Variants in GPN1 observed in about 807,000 individuals in gnomAD.
GPN1 encodes GPN-loop GTPase 1.
In GPN1, 44 loss-of-function variants were observed where a neutral mutation model predicts 55.9. That is an observed-to-expected ratio of 0.79 (90% CI 0.62 to 1.01). The LOEUF is 1.01. Ranked by LOEUF, GPN1 falls within the 50% of genes least tolerant of loss-of-function variation. The probability of loss-of-function intolerance (pLI) is 0.00; values close to 1 mark genes in which losing one functional copy is unlikely to be tolerated. For synonymous variants in GPN1, 179 were observed against 162.5 expected, an observed-to-expected ratio of 1.10 and a Z score of -0.77; for missense variants, 466 against 462.8, an observed-to-expected ratio of 1.01 and a Z score of -0.06.
intron 11 of GPN1, among the ~76,000 whole-genome samples, chr2:27,641,682 C>T (rs1673958317): frequency 6.6e-6 from 1 of 152,182 alleles, no homozygotes; most frequent in African/African-American, 2.4e-5. Context: ...CAGCCTCGAC[C>T]TTTTGGGCTT....
rs1558486113 is a variant in GPN1, at chr2:27,632,641, A to G, written c.321A>G (p.Lys107=). ...LFATRFDQVM[K]FIEKAQNMSK... ...ACATCTTTTTCTTTTAGGTGATGAA[A>G]TTTATTGAGAAGGCCCAGAACATGT... The change falls in exon 5 of 14, where the codon AAA becomes AAG. Residue 107 remains lysine (K), a synonymous_variant. Transcript: ENST00000610189. 1.2e-6 allele frequency: 2 copies of G among 1,601,458 alleles called. No individual in the cohort carries two copies. The highest frequency in any genetic ancestry group is 1.7e-6 in the Non-Finnish European group (2 of 1,168,708).
chr2:27,642,359 C>A, intron 11 of GPN1, 70 bp from the exon 12 acceptor site: 1 of 885,832 alleles, frequency 1.1e-6, no homozygotes, highest in Non-Finnish European at 1.9e-6. Context: ...TCTTCATCTC[C>A]ACTGAGAAGT....
intron 7 of GPN1, 67 bp from the exon 8 acceptor site, chr2:27,638,143 A>G: frequency 2.4e-6 from 2 of 843,152 alleles, no homozygotes; most frequent in Admixed American, 1.8e-5. Flanking sequence ...TAGTCCCGAC[A>G]TGCTGACACT....
Position 27,640,070 on chromosome 2 carries a change from A to G in GPN1, c.745A>G (p.Thr249Ala). 6.2e-7 allele frequency: 1 copy of G among 1,612,784 alleles called. No homozygotes were observed. Among genetic ancestry groups the G allele is most frequent in the Non-Finnish European group, 8.5e-7 (1 of 1,178,750 alleles). ...RVVGVSAVLG[T>A]GLDELFVQVT... ...GGTGGGTGTCTCTGCTGTTCTGGGT[A>G]CTGGATTAGATGAACTCTTTGTGCA... Residue 249 changes from threonine to alanine, a missense_variant, in exon 10 of 14, where the codon ACT (threonine) becomes GCT (alanine). By Grantham distance (58) the Thr-to-Ala change is moderately conservative (BLOSUM62 0). Transcript: ENST00000610189.
chr2:27,642,610 C>T, intron 12 of GPN1, 91 bp downstream of exon 12: 1 of 810,606 alleles, frequency 1.2e-6, no homozygotes. Flanking sequence ...GAGTTTCACT[C>T]TTGTTGCCCA....
rs1276418701 is a variant in GPN1, at chr2:27,634,932, T to G, written c.429+8T>G. On this transcript the variant is annotated splice_region_variant and intron_variant, in intron 6 of 13. Transcript: ENST00000610189. ...ATTATCACTGAAGCCCTTGTGAGTA[T>G]TCTAGGACTTGCTACTGAGAGTAGC... is the stretch of plus-strand genomic sequence containing the variant. The G allele has an allele frequency of 9.2e-6, 14 of 1,524,762 alleles. No individual in the cohort carries two copies. The highest frequency in any genetic ancestry group is 1.7e-5 in the Admixed American group (1 of 59,878). The allele number at this position is 1,524,762 out of a possible 1,614,324, so 94.5% of individuals were successfully genotyped here.
Position 27,638,965 on chromosome 2 carries a change from T to C in GPN1, c.651T>C (p.Thr217=). Reference sequence around the variant, plus strand: ...TCCAAGATGCCTTGAATCAAGAGACTACATACGTCAGTAACCTGACTCGTT... The same window carrying C: ...TCCAAGATGCCTTGAATCAAGAGACCACATACGTCAGTAACCTGACTCGTT... ...EAFQDALNQE[T]TYVSNLTRSM... The change falls in exon 9 of 14, where the codon ACT becomes ACC. Residue 217 remains threonine (T), a synonymous_variant. Coordinates refer to ENST00000610189, the MANE Select transcript of GPN1 (RefSeq NM_007266.4). 2 of 1,613,312 alleles carry C rather than the reference T, an allele frequency of 1.2e-6. No individual in the cohort carries two copies. The highest frequency in any genetic ancestry group is 1.3e-5 in the African/African-American group (1 of 75,038).
Position 27,643,279 on chromosome 2 carries a change from T to G in GPN1, c.931+760T>G, listed in dbSNP as rs1266917546. Reference sequence around the variant, plus strand: ...ATACAAATAATTGCCATAATTATTCTATCAGATTCCCAAAATGTTAACATT... The same window carrying G: ...ATACAAATAATTGCCATAATTATTCGATCAGATTCCCAAAATGTTAACATT... On this transcript the variant is annotated intron_variant, in intron 12 of 13. Coordinates refer to ENST00000610189, the MANE Select transcript of GPN1 (RefSeq NM_007266.4). The surrounding 1 kb of genome is among the most constrained non-coding windows in gnomAD (Gnocchi z 4.0). Among the ~76,000 whole-genome samples the G allele has an allele frequency of 6.6e-6, 1 of 151,768 alleles. No homozygotes were observed. Among genetic ancestry groups the G allele is most frequent in the Admixed American group, 6.6e-5 (1 of 15,260 alleles).
intron 12 of GPN1, among the ~76,000 whole-genome samples, chr2:27,647,259 TTCTC>T (rs559830831): frequency 1.2e-3 from 188 of 152,340 alleles, no homozygotes; most frequent in African/African-American, 4.3e-3. Flanking sequence ...TTGATTAGAC[TTCTC>T]TCTGATTACT....
chr2:27,637,644 T>C (rs1275688806), intron 7 of GPN1, among the ~76,000 whole-genome samples: 2 of 152,236 alleles, frequency 1.3e-5, no homozygotes, highest in Non-Finnish European at 2.9e-5. Flanking sequence ...ATAAAGGAGA[T>C]AATACTTATG....
rs1169068979 is a variant in GPN1 at position 27,629,084 on chromosome 2, A to C, written c.26A>C (p.Glu9Ala). 6.2e-7 allele frequency: 1 copy of C among 1,614,078 alleles called. No homozygotes were observed. The highest frequency in any genetic ancestry group is 8.5e-7 in the Non-Finnish European group (1 of 1,180,024). MAASAAAA[E>A]LQASGGPRHP... is the part of the protein sequence containing the mutation. Reference sequence around the variant, plus strand: ...ATGGCGGCGTCCGCAGCTGCCGCTGAGCTCCAGGCTTCTGGGGGTCCGCGG... The same window carrying C: ...ATGGCGGCGTCCGCAGCTGCCGCTGCGCTCCAGGCTTCTGGGGGTCCGCGG... The change falls in exon 1 of 14, where the codon GAG becomes GCG. Residue 9 changes from glutamate to alanine, a missense_variant. Coordinates refer to ENST00000610189, the MANE Select transcript of GPN1 (RefSeq NM_007266.4).
chr2:27,629,447 G>A, intron 1 of GPN1: 1 of 1,529,482 alleles, frequency 6.5e-7, no homozygotes, highest in Non-Finnish European at 8.9e-7. Flanking sequence ...TCGGAGGCAA[G>A]TTACAAGTAA....
rs898490116 is a variant in GPN1 at position 27,651,368 on chromosome 2, C to T, written c.*1168C>T. 9.2e-5 allele frequency: 14 copies of T among 152,308 alleles called. No individual in the cohort carries two copies. Among genetic ancestry groups the T allele is most frequent in the African/African-American group, 3.4e-4 (14 of 41,454 alleles). The allele number at this position is 152,308 out of a possible 1,614,324, so 9.4% of individuals were successfully genotyped here. A position where few individuals can be genotyped will look rare whatever the true frequency, so the allele number is the denominator to read the frequency against. ...CCATGTGATTCTGATGCATAGTAGC[C>T]TATGACATAATTCCAGACCAGGTGA... On this transcript the variant is annotated 3_prime_UTR_variant, in exon 14 of 14. Transcript: ENST00000610189.
chr2:27,629,652 A>T (rs547037090), intron 1 of GPN1, among the ~76,000 whole-genome samples: 1 of 152,322 alleles, frequency 6.6e-6, no homozygotes, highest in East Asian at 1.9e-4. Flanking sequence ...TAAACAAGTG[A>T]CTACGAGTAG....
At chr2:27,629,466 A>T in intron 1 of GPN1, 1 of 1,395,528 alleles carries the variant, frequency 7.2e-7, no homozygotes, top group Non-Finnish European at 1.0e-6. Flanking sequence ...AACTTTAAAG[A>T]TTAATACAGT....
chr2:27,633,167 TATTTATAAGATGAA>T (rs1673613037), intron 5 of GPN1, among the ~76,000 whole-genome samples: 1 of 152,230 alleles, frequency 6.6e-6, no homozygotes, highest in African/African-American at 2.4e-5. Flanking sequence ...CCATGCATGA[TATTTATAAGATGAA>T]ACCATCACCC....
chr2:27,639,092 T>C (rs985638734), intron 9 of GPN1, 61 bp downstream of exon 9: 3 of 1,369,330 alleles, frequency 2.2e-6, no homozygotes, highest in South Asian at 1.4e-5. Context: ...ACCCATAGGA[T>C]TGGCTTTGAA....
chr2:27,642,248 T>C (rs1204382284), intron 11 of GPN1, 181 bp from the exon 12 acceptor site: 2 of 561,506 alleles, frequency 3.6e-6, no homozygotes, highest in Non-Finnish European at 6.5e-6. Context: ...CAGTCTAAAC[T>C]TCTGCAGTAA....
chr2:27,631,026 G>A lies in GPN1; in HGVS notation c.206-1G>A. The A allele has an allele frequency of 7.6e-7, 1 of 1,318,734 alleles. No homozygotes were observed. The highest frequency in any genetic ancestry group is 1.1e-6 in the Non-Finnish European group (1 of 914,122). 81.7% of individuals were successfully genotyped at this position (1,318,734 alleles called of 1,614,324 possible). On this transcript the variant is annotated splice_acceptor_variant, in intron 2 of 13. Coordinates refer to ENST00000610189, the MANE Select transcript of GPN1 (RefSeq NM_007266.4). LOFTEE classifies it high-confidence loss of function. ...CAGTTAATTCTTTTTTTTCTCCTCA[G>A]ATATTCGTGATACTGTAAAGTATAA...
Sources: allele counts gnomAD v4.1 joint callset (sites outside exome capture counted in the v4.1 genomes callset), GRCh38; gene constraint gnomAD v4.1.1; non-coding constraint Gnocchi (gnomAD v3.1); transcripts MANE v1.5; gene names NCBI Gene and HGNC (gene_info 2026-07-23, HGNC 2026-07-21).